DNAH7: variants seen among roughly 807,000 people sequenced by gnomAD.
DNAH7 encodes the protein dynein axonemal heavy chain 7.
DNAH7 carries 397 observed loss-of-function variants against 444.6 expected under a neutral mutation model. The observed-to-expected ratio is 0.89, with a 90% CI of 0.82 to 0.97. The LOEUF (loss-of-function observed/expected upper bound fraction) is 0.97, where lower values mean the gene tolerates loss of function less well. Among genes scored for constraint, DNAH7 ranks in the 50% least tolerant of loss-of-function variants. The probability of loss-of-function intolerance (pLI) is 0.00; values close to 1 mark genes in which losing one functional copy is unlikely to be tolerated. For missense variants in DNAH7, 4,902 were observed against 4,800.8 expected, an observed-to-expected ratio of 1.02 and a Z score of -0.62; for synonymous variants, 1,636 against 1,624.4, an observed-to-expected ratio of 1.01 and a Z score of -0.17.
intron 8 of DNAH7, among the ~76,000 whole-genome samples, chr2:196,023,066 T>C (rs1695475111): frequency 6.6e-6 from 1 of 152,062 alleles, no homozygotes; most frequent in Non-Finnish European, 1.5e-5. Flanking sequence ...TCCCCAGTGC[T>C]GGAGGTGGGG....
At chr2:195,739,810 C>T (rs898415643) in intron 64 of DNAH7, among the ~76,000 whole-genome samples, 7 of 152,210 alleles carry the variant, frequency 4.6e-5, no homozygotes, top group African/African-American at 1.7e-4. Flanking sequence ...ATCCAACACA[C>T]GTTCCCAGCT....
At chr2:195,750,774 C>G (rs1693751383) in intron 63 of DNAH7, among the ~76,000 whole-genome samples, 1 of 152,196 alleles carries the variant, frequency 6.6e-6, no homozygotes, top group Non-Finnish European at 1.5e-5. Context: ...ATGGACTGGG[C>G]AGCCCAGCAG....
intron 36 of DNAH7, 152 bp downstream of exon 36, chr2:195,881,643 C>CAA: frequency 2.2e-5 from 15 of 683,240 alleles, no homozygotes; most frequent in Admixed American, 7.1e-5. Context: ...TTGGCTAAAA[C>CAA]AAAAAAAAAT....
intron 1 of DNAH7, among the ~76,000 whole-genome samples, chr2:196,066,055 A>T (rs1331378897): frequency 6.6e-6 from 1 of 152,240 alleles, no homozygotes; most frequent in Non-Finnish European, 1.5e-5. Context: ...TTCTAAAATT[A>T]AAATTGCTAA....
chr2:195,779,508 C>T (rs1450334386), intron 58 of DNAH7, among the ~76,000 whole-genome samples: 2 of 151,836 alleles, frequency 1.3e-5, no homozygotes, highest in Non-Finnish European at 2.9e-5. Context: ...ATTTCTAGAA[C>T]AATAGTGAGG....
chr2:195,882,298 A>G (rs1244716930), intron 35 of DNAH7, among the ~76,000 whole-genome samples: 1 of 152,208 alleles, frequency 6.6e-6, no homozygotes, highest in Non-Finnish European at 1.5e-5. Flanking sequence ...AATGGCATTG[A>G]GAAAATCAAA....
At position 195,864,746 on chromosome 2, in the gene DNAH7, G is replaced by A; in HGVS notation, c.6909C>T (p.Tyr2303=). Residue 2303 remains tyrosine, a synonymous_variant, in exon 41 of 65, where the codon TAC becomes TAT. Coordinates refer to ENST00000312428, the MANE Select transcript of DNAH7 (RefSeq NM_018897.3). ...TCATGGGTTTTTTGCTTATATTGTTGTATTCTTCTAGGTGAATTTCTACTA... is the reference window on the plus strand; with the variant it reads ...TCATGGGTTTTTTGCTTATATTGTTATATTCTTCTAGGTGAATTTCTACTA... ...RMIVEIHLEE[Y]NNISKKPMNL... 6.2e-7 allele frequency: 1 copy of A among 1,614,100 alleles called. No individual in the cohort carries two copies. Among genetic ancestry groups the A allele is most frequent in the Non-Finnish European group, 8.5e-7 (1 of 1,180,010 alleles).
chr2:195,830,670 T>A (rs181067707), intron 48 of DNAH7, among the ~76,000 whole-genome samples: 1 of 152,290 alleles, frequency 6.6e-6, no homozygotes, highest in Non-Finnish European at 1.5e-5. Context: ...TTGAGCTGTA[T>A]CTTAAAGGAT....
In DNAH7 at chr2:195,802,738, A is replaced by G. The variant is rs184373509; in HGVS notation, c.10177-3266T>C. On this transcript the variant is annotated intron_variant, in intron 54 of 64. Coordinates refer to ENST00000312428, the MANE Select transcript of DNAH7 (RefSeq NM_018897.3). ...ATTTTGTATAAACTTATAGGGTGCA[A>G]GTGCAATTTTTTACATGCATAGATT... 2.5e-3 allele frequency among the ~76,000 whole-genome samples: 387 copies of G among 152,234 alleles called. 2 individuals carry two copies. The highest frequency in any genetic ancestry group is 1.9e-3 in the Non-Finnish European group (130 of 68,000).
At chr2:195,882,096 T>C (rs1410986889) in intron 35 of DNAH7, 104 bp from the exon 36 acceptor site, 6 of 849,202 alleles carry the variant, frequency 7.1e-6, no homozygotes, top group South Asian at 1.8e-5. Context: ...AACCCTGATA[T>C]GTATACATTT....
At chr2:195,862,197 T>C (rs1045911195) in intron 41 of DNAH7, among the ~76,000 whole-genome samples, 3 of 152,126 alleles carry the variant, frequency 2.0e-5, no homozygotes, top group Admixed American at 6.5e-5. Context: ...TGTTCATGAG[T>C]GTTGCAGGAG....
chr2:195,949,497 C>T (rs550614074), intron 19 of DNAH7, among the ~76,000 whole-genome samples: 5 of 152,052 alleles, frequency 3.3e-5, no homozygotes, highest in Non-Finnish European at 7.4e-5. Context: ...TTGGTCAGGC[C>T]GGTCTCGAAC....
At chr2:195,972,029 T>C (rs901910311) in intron 16 of DNAH7, among the ~76,000 whole-genome samples, 1 of 152,142 alleles carries the variant, frequency 6.6e-6, no homozygotes, top group African/African-American at 2.4e-5. Context: ...TGCATATTGA[T>C]CAATATACTA....
At chr2:196,028,837 C>T (rs964270795) in intron 5 of DNAH7, among the ~76,000 whole-genome samples, 2 of 152,100 alleles carry the variant, frequency 1.3e-5, no homozygotes, top group African/African-American at 4.8e-5. Context: ...AGGGGAGACT[C>T]GAGGTTCATT....
In DNAH7 at chr2:196,036,383, C is replaced by A. The variant is rs147636669; in HGVS notation, c.399-8336G>T. On this transcript the variant is annotated intron_variant, in intron 5 of 64. Coordinates refer to ENST00000312428, the MANE Select transcript of DNAH7 (RefSeq NM_018897.3). ...CATCCCCCTACATCCACCCAGAGGG[C>A]TACAATAGCATGGCATTGGCTGAAC... 3.6e-3 allele frequency among the ~76,000 whole-genome samples: 547 copies of A among 152,188 alleles called. 3 individuals are homozygous for A. Among genetic ancestry groups the A allele is most frequent in the African/African-American group, 0.012 (514 of 41,528 alleles).
At chr2:195,965,292 C>A (rs907471391) in intron 17 of DNAH7, among the ~76,000 whole-genome samples, 1 of 152,170 alleles carries the variant, frequency 6.6e-6, no homozygotes, top group Non-Finnish European at 1.5e-5. Flanking sequence ...TTATGTAGAA[C>A]CATCCTTACA....
intron 19 of DNAH7, among the ~76,000 whole-genome samples, chr2:195,942,328 TG>T (rs906571084): frequency 3.3e-5 from 5 of 151,184 alleles, no homozygotes; most frequent in African/African-American, 1.2e-4. Context: ...GGATACAGTG[TG>T]TTTGTTATTT....
rs1481532622 is a variant in DNAH7 at position 195,754,646 on chromosome 2, G to T, written c.11587-132C>A. The T allele has an allele frequency of 6.1e-6, 5 of 821,884 alleles. No homozygotes were observed. The East Asian group carries it at 8.2e-5, about 13-fold the overall frequency. The allele number at this position is 821,884 out of a possible 1,614,324, so 50.9% of individuals were successfully genotyped here. On this transcript the variant is annotated intron_variant, in intron 62 of 64. Coordinates refer to ENST00000312428, the MANE Select transcript of DNAH7 (RefSeq NM_018897.3). ...TCACCTCAGCCTCCCAAGTAGCTGG[G>T]AATACAGGCACATACCACCATGCCT...
chr2:195,844,805 T>C (rs1698887301), intron 47 of DNAH7, among the ~76,000 whole-genome samples, 197 bp downstream of exon 47: 1 of 152,208 alleles, frequency 6.6e-6, no homozygotes, highest in Admixed American at 6.5e-5. Context: ...TCTGGTTCAT[T>C]TGTTTACTAC....
Sources: gnomAD v4.1 joint callset for allele counts (sites outside exome capture counted in the v4.1 genomes callset) on GRCh38, gnomAD v4.1.1 for gene constraint, MANE v1.5 for transcripts, NCBI Gene and HGNC (gene_info 2026-07-23, HGNC 2026-07-21) for gene names.